Variants in TFDP2 observed in about 807,000 individuals in gnomAD.
TFDP2 encodes transcription factor Dp-2 (E2F dimerization partner 2).
A neutral mutation model predicts 59.3 loss-of-function variants in TFDP2; 17 were observed. The observed-to-expected ratio is 0.29, with a 90% CI of 0.20 to 0.43. The LOEUF is 0.43. TFDP2 is among the 20% of genes least tolerant of loss of function. The pLI, the probability that TFDP2 is intolerant of heterozygous loss-of-function variation, is 1.00. For missense variants in TFDP2, 391 were observed against 528.8 expected, an observed-to-expected ratio of 0.74 and a Z score of 2.56; for synonymous variants, 180 against 194.7, an observed-to-expected ratio of 0.92 and a Z score of 0.63.
intron 9 of TFDP2, among the ~76,000 whole-genome samples, chr3:141,966,783 A>G (rs1287924203): frequency 1.3e-5 from 2 of 151,712 alleles, no homozygotes; most frequent in African/African-American, 4.9e-5. Flanking sequence ...CCATTCTTCT[A>G]CATTACCAAA....
intron 3 of TFDP2, among the ~76,000 whole-genome samples, chr3:142,048,031 C>T (rs1282110788): frequency 2.0e-5 from 3 of 152,076 alleles, no homozygotes; most frequent in Non-Finnish European, 2.9e-5. Context: ...TGTGAGCTAC[C>T]ACTCCTGGCC....
At position 141,968,394 on chromosome 3, in the gene TFDP2, C is replaced by T. The variant is rs185577101; in HGVS notation, c.732+1679G>A. Among the ~76,000 whole-genome samples the T allele has an allele frequency of 2.1e-3, 183 of 87,930 alleles. 3 individuals carry two copies. The highest frequency in any genetic ancestry group is 7.4e-3 in the East Asian group (22 of 2,954). The allele number at this position is 87,930 out of a possible 152,430, so 57.7% of individuals were successfully genotyped here. On this transcript the variant is annotated intron_variant, in intron 9 of 12. Transcript: ENST00000489671. ...TATAACATATATCTCATATATATAACATATATATCATATATATAACATATA... is the reference window on the plus strand; with the variant it reads ...TATAACATATATCTCATATATATAATATATATATCATATATATAACATATA...
At position 142,093,041 on chromosome 3, in the gene TFDP2, T is replaced by C. The variant is rs1318489322; in HGVS notation, c.82+20A>G. ...ATAAAACTAACTTAATTCAGAAAAATTTTATTCAATAATCCTTACCTTTTG... is the reference window on the plus strand; with the variant it reads ...ATAAAACTAACTTAATTCAGAAAAACTTTATTCAATAATCCTTACCTTTTG... On this transcript the variant is annotated intron_variant, in intron 3 of 12. Transcript: ENST00000489671. 1 of 1,502,594 alleles carries C rather than the reference T, an allele frequency of 6.7e-7. No individual in the cohort carries two copies. Among genetic ancestry groups the C allele is most frequent in the African/African-American group, 1.4e-5 (1 of 71,904 alleles). 93.1% of individuals were successfully genotyped at this position (1,502,594 alleles called of 1,614,324 possible).
intron 1 of TFDP2, among the ~76,000 whole-genome samples, chr3:142,134,423 G>A (rs1240832020): frequency 2.6e-5 from 4 of 151,550 alleles, no homozygotes; most frequent in Admixed American, 2.6e-4. Flanking sequence ...ACCAAAAGCA[G>A]ACTGGTTACT....
chr3:141,996,278 A>C (rs1427171320), intron 4 of TFDP2, among the ~76,000 whole-genome samples: 1 of 152,230 alleles, frequency 6.6e-6, no homozygotes, highest in Non-Finnish European at 1.5e-5. Flanking sequence ...ATGTAAAAAA[A>C]GGGGAAGAGG....
At chr3:141,983,795 A>C (rs1379290246) in intron 6 of TFDP2, among the ~76,000 whole-genome samples, 1 of 152,174 alleles carries the variant, frequency 6.6e-6, no homozygotes, top group Non-Finnish European at 1.5e-5. Context: ...TTAAAAAAAC[A>C]AAAACTGAAA....
chr3:141,971,559 A>G (rs1939764312), intron 8 of TFDP2, among the ~76,000 whole-genome samples: 1 of 152,020 alleles, frequency 6.6e-6, no homozygotes, highest in East Asian at 1.9e-4. Context: ...CAACAAAAAA[A>G]AAAAGAAAAT....
intron 3 of TFDP2, among the ~76,000 whole-genome samples, chr3:142,033,563 C>A (rs987324511): frequency 6.6e-6 from 1 of 152,020 alleles, no homozygotes; most frequent in African/African-American, 2.4e-5. Flanking sequence ...GGCGAGGGAT[C>A]TATAGGAGGG....
chr3:142,024,945 G>A (rs1246578083), intron 3 of TFDP2, among the ~76,000 whole-genome samples: 10 of 151,774 alleles, frequency 6.6e-5, no homozygotes, highest in African/African-American at 2.4e-4. Flanking sequence ...GCTTGAACCC[G>A]GGAAGCACAG....
At chr3:141,973,123 A>ATATATATATATATATTTTTTTTT in intron 8 of TFDP2, among the ~76,000 whole-genome samples, 6 of 58,020 alleles carry the variant, frequency 1.0e-4, no homozygotes, top group East Asian at 3.4e-4. Context: ...ATATATATAT[A>ATATATATATATATATTTTTTTTT]TTTTTTTTTT....
At chr3:141,971,706 A>G (rs2108003899) in intron 8 of TFDP2, among the ~76,000 whole-genome samples, 1 of 152,348 alleles carries the variant, frequency 6.6e-6, no homozygotes, top group Admixed American at 6.5e-5. Flanking sequence ...GGAGAGAAAG[A>G]GAATAGCAAA....
chr3:141,999,570 T>C (rs1406311596), intron 4 of TFDP2, among the ~76,000 whole-genome samples: 1 of 152,130 alleles, frequency 6.6e-6, no homozygotes, highest in East Asian at 1.9e-4. Flanking sequence ...CAAACTAAAA[T>C]AGGTACTGCT....
chr3:142,029,477 T>C (rs570826537), intron 3 of TFDP2, among the ~76,000 whole-genome samples: 1 of 151,812 alleles, frequency 6.6e-6, no homozygotes, highest in Non-Finnish European at 1.5e-5. Flanking sequence ...TTTTTTTAAA[T>C]GACTAATTAA....
In TFDP2 at chr3:142,003,428, C is replaced by T. The variant is rs190517188; in HGVS notation, c.186+2013G>A. ...TACAGGCGTGAGACACCACACCCAG[C>T]CTCAACTTCTTTTATAAGGTCACTA... On this transcript the variant is annotated intron_variant, in intron 4 of 12. Transcript: ENST00000489671. Among the ~76,000 whole-genome samples, 87 of 152,272 alleles carry T rather than the reference C, an allele frequency of 5.7e-4. No individual in the cohort carries two copies. In the South Asian group the frequency reaches 8.7e-3, roughly 15 times the overall value.
chr3:142,109,766 T>A (rs1027221451), intron 1 of TFDP2, among the ~76,000 whole-genome samples: 1 of 152,166 alleles, frequency 6.6e-6, no homozygotes, highest in Non-Finnish European at 1.5e-5. Flanking sequence ...CAGAAAAAAA[T>A]AGTACGCAAG....
chr3:142,123,279 C>T (rs1422272363), intron 1 of TFDP2, among the ~76,000 whole-genome samples: 7 of 152,200 alleles, frequency 4.6e-5, no homozygotes, highest in African/African-American at 1.2e-4. Context: ...GGACTACAGG[C>T]GCGTGCCACT....
intron 3 of TFDP2, among the ~76,000 whole-genome samples, chr3:142,064,726 C>T (rs779255603): frequency 1.3e-5 from 2 of 151,986 alleles, no homozygotes; most frequent in South Asian, 2.1e-4. Context: ...TGTAAAACAA[C>T]GTCACTGAAA....
At chr3:142,000,541 G>A (rs1050853695) in intron 4 of TFDP2, among the ~76,000 whole-genome samples, 13 of 152,184 alleles carry the variant, frequency 8.5e-5, no homozygotes, top group African/African-American at 2.9e-4. Context: ...ACAGCATCCA[G>A]TTCCTGGCCC....
At chr3:141,967,574 G>A (rs1401824202) in intron 9 of TFDP2, among the ~76,000 whole-genome samples, 4 of 152,188 alleles carry the variant, frequency 2.6e-5, no homozygotes, top group African/African-American at 9.6e-5. Flanking sequence ...GATTACATGC[G>A]TGAGCCACCA....
Sources: allele counts gnomAD v4.1 joint callset (sites outside exome capture counted in the v4.1 genomes callset), GRCh38; gene constraint gnomAD v4.1.1; transcripts MANE v1.5; gene names NCBI Gene and HGNC (gene_info 2026-07-23, HGNC 2026-07-21).